Variants in MRPS28 observed in about 807,000 individuals in gnomAD.
The protein encoded by MRPS28 is mitochondrial ribosomal protein S28.
Under a neutral mutation model 10.8 loss-of-function variants are expected in MRPS28, and 7 were observed. The observed-to-expected ratio is 0.65, with a 90% confidence interval of 0.37 to 1.22. The LOEUF is 1.22. Among genes scored for constraint, MRPS28 ranks in the 50% most tolerant of loss-of-function variants. MRPS28 has a pLI of 0.02. For synonymous variants in MRPS28, 121 were observed against 93.3 expected, an observed-to-expected ratio of 1.30 and a Z score of -1.71; for missense variants, 265 against 232.9, an observed-to-expected ratio of 1.14 and a Z score of -0.90.
intron 1 of MRPS28, among the ~76,000 whole-genome samples, chr8:80,006,691 G>GAC (rs1808857748): frequency 6.9e-6 from 1 of 145,006 alleles, no homozygotes; most frequent in African/African-American, 2.5e-5. Context: ...TAAATTCCTC[G>GAC]ACACATACAC....
At chr8:79,981,827 G>A (rs145933250) in intron 2 of MRPS28, among the ~76,000 whole-genome samples, 29 of 152,292 alleles carry the variant, frequency 1.9e-4, no homozygotes, top group Non-Finnish European at 3.7e-4. Flanking sequence ...ACAGAGAGTA[G>A]CATAAAATCC....
At chr8:79,919,365 G>A (rs1036707977) in intron 2 of MRPS28, among the ~76,000 whole-genome samples, 1 of 139,542 alleles carries the variant, frequency 7.2e-6, no homozygotes, top group Non-Finnish European at 1.6e-5. Context: ...AAAAAAAAAA[G>A]AGTTTCACTC....
At chr8:79,981,443 G>A (rs1218655599) in intron 2 of MRPS28, among the ~76,000 whole-genome samples, 1 of 152,188 alleles carries the variant, frequency 6.6e-6, no homozygotes, top group African/African-American at 2.4e-5. Context: ...ATTTGCAATT[G>A]CAGTTAGGAA....
At chr8:79,988,046 A>G (rs374973291) in intron 2 of MRPS28, among the ~76,000 whole-genome samples, 24 of 151,880 alleles carry the variant, frequency 1.6e-4, no homozygotes, top group Non-Finnish European at 1.3e-4. Context: ...TGATAGACTG[A>G]ATTAAGAAAA....
rs1013281487 is a variant in MRPS28, at chr8:79,926,638, TA to T, written c.396-7491del. Reference sequence around the variant, plus strand: ...GTAGCAACCTTCAACATATATAAAATAAATGACAGGAGAGCAAAACTCATTG... The same window carrying T: ...GTAGCAACCTTCAACATATATAAAATAATGACAGGAGAGCAAAACTCATTG... On this transcript the variant is annotated intron_variant, in intron 2 of 2. Coordinates refer to ENST00000276585, the MANE Select transcript of MRPS28 (RefSeq NM_014018.3). Among the ~76,000 whole-genome samples, 36 of 152,270 alleles carry T rather than the reference TA, an allele frequency of 2.4e-4. 1 individual carries two copies. The highest frequency in any genetic ancestry group is 7.7e-4 in the African/African-American group (32 of 41,568).
At chr8:79,976,844 G>T (rs1313242106) in intron 2 of MRPS28, among the ~76,000 whole-genome samples, 1 of 152,024 alleles carries the variant, frequency 6.6e-6, no homozygotes, top group African/African-American at 2.4e-5. Flanking sequence ...CAAATAAAAA[G>T]ATGAACAATC....
At chr8:79,997,406 A>AC in intron 2 of MRPS28, among the ~76,000 whole-genome samples, 1 of 152,288 alleles carries the variant, frequency 6.6e-6, no homozygotes, top group East Asian at 1.9e-4. Context: ...TCTTCCTCAC[A>AC]TAACAATACC....
intron 2 of MRPS28, among the ~76,000 whole-genome samples, chr8:79,930,619 T>C (rs758254863): frequency 1.3e-5 from 2 of 152,194 alleles, no homozygotes; most frequent in African/African-American, 2.4e-5. Context: ...AGGAGCAGGA[T>C]AGGTGTTGAC....
At chr8:79,956,738 G>A (rs1240757404) in intron 2 of MRPS28, 1 of 152,028 alleles carries the variant, frequency 6.6e-6, no homozygotes, top group Non-Finnish European at 1.5e-5. Context: ...TGCAGTATTT[G>A]GTTTTCTGTT....
At chr8:79,985,457 A>C (rs984048136) in intron 2 of MRPS28, among the ~76,000 whole-genome samples, 1 of 152,166 alleles carries the variant, frequency 6.6e-6, no homozygotes, top group African/African-American at 2.4e-5. Flanking sequence ...GAGACACAAA[A>C]AACCCTTCAA....
At chr8:79,968,291 C>T (rs960812176) in intron 2 of MRPS28, among the ~76,000 whole-genome samples, 3 of 152,164 alleles carry the variant, frequency 2.0e-5, no homozygotes, top group African/African-American at 7.2e-5. Context: ...GCTTATAAGT[C>T]TCTAGTAAGT....
intron 2 of MRPS28, among the ~76,000 whole-genome samples, chr8:79,942,840 T>C (rs1029973177): frequency 2.6e-5 from 4 of 152,126 alleles, no homozygotes; most frequent in Non-Finnish European, 5.9e-5. Context: ...AAAATACATG[T>C]TGTCTACAGA....
chr8:80,013,432 C>T (rs774882145), intron 1 of MRPS28, among the ~76,000 whole-genome samples: 2 of 151,736 alleles, frequency 1.3e-5, no homozygotes, highest in Non-Finnish European at 2.9e-5. Context: ...GTCCGGAATT[C>T]GAGAACAGCC....
At chr8:79,954,079 T>C (rs1807144236) in intron 2 of MRPS28, among the ~76,000 whole-genome samples, 1 of 152,070 alleles carries the variant, frequency 6.6e-6, no homozygotes, top group East Asian at 1.9e-4. Flanking sequence ...GGTAGGAATA[T>C]AACTACTATA....
chr8:79,959,307 T>TA (rs1251850425), intron 2 of MRPS28, among the ~76,000 whole-genome samples: 1 of 151,938 alleles, frequency 6.6e-6, no homozygotes, highest in Non-Finnish European at 1.5e-5. Flanking sequence ...ATCTTTATTA[T>TA]AAAAAAGCTA....
At position 79,981,887 on chromosome 8, in the gene MRPS28, T is replaced by C. The variant is rs980203326; in HGVS notation, c.395+21112A>G. Among the ~76,000 whole-genome samples, 11 of 152,360 alleles carry C rather than the reference T, an allele frequency of 7.2e-5. No homozygotes were observed. The East Asian group carries it at 9.6e-4, about 13-fold the overall frequency. ...TCAGTTCTAATTAAGGATTTAATTA[T>C]ACCTATTTGATATCTAATTTGCATT... is the stretch of plus-strand genomic sequence containing the variant. On this transcript the variant is annotated intron_variant, in intron 2 of 2. Coordinates refer to ENST00000276585, the MANE Select transcript of MRPS28 (RefSeq NM_014018.3).
At chr8:79,925,898 G>A (rs1395354058) in intron 2 of MRPS28, among the ~76,000 whole-genome samples, 1 of 151,596 alleles carries the variant, frequency 6.6e-6, no homozygotes, top group East Asian at 1.9e-4. Flanking sequence ...AAGGTGGGAG[G>A]ATTGCTTGAG....
At chr8:79,920,547 G>A (rs1810062218) in intron 2 of MRPS28, among the ~76,000 whole-genome samples, 1 of 152,166 alleles carries the variant, frequency 6.6e-6, no homozygotes, top group Admixed American at 6.5e-5. Context: ...GGCCAGTGAT[G>A]GTGAACATTT....
At chr8:79,940,643 A>G (rs1357650102) in intron 2 of MRPS28, among the ~76,000 whole-genome samples, 1 of 152,232 alleles carries the variant, frequency 6.6e-6, no homozygotes, top group Non-Finnish European at 1.5e-5. Context: ...CTAGGTATAC[A>G]CACAACCTAG....
Sources: allele counts gnomAD v4.1 joint callset (sites outside exome capture counted in the v4.1 genomes callset), GRCh38; gene constraint gnomAD v4.1.1; transcripts MANE v1.5; gene names NCBI Gene and HGNC (gene_info 2026-07-23, HGNC 2026-07-21).